Variants in KIAA1958 observed in about 807,000 individuals in gnomAD.
KIAA1958 encodes the protein KIAA1958.
In KIAA1958, 14 loss-of-function variants were observed where a neutral mutation model predicts 47.2. The observed-to-expected ratio is 0.30, with a 90% CI of 0.20 to 0.46. The LOEUF (loss-of-function observed/expected upper bound fraction) is 0.46, where lower values mean the gene tolerates loss of function less well. Among genes scored for constraint, KIAA1958 ranks in the 20% least tolerant of loss-of-function variants. KIAA1958 has a pLI of 1.00. For synonymous variants in KIAA1958, 354 were observed against 353.3 expected, an observed-to-expected ratio of 1.00 and a Z score of -0.02; for missense variants, 803 against 909.2, an observed-to-expected ratio of 0.88 and a Z score of 1.50.
At chr9:112,658,889 G>A (rs1837203825) in intron 3 of KIAA1958, among the ~76,000 whole-genome samples, 2 of 151,524 alleles carry the variant, frequency 1.3e-5, no homozygotes, top group Admixed American at 6.6e-5. Context: ...GCGTGGTGGC[G>A]GGAGCCTATA....
At chr9:112,597,588 T>C (rs564428587) in intron 2 of KIAA1958, among the ~76,000 whole-genome samples, 35 of 152,322 alleles carry the variant, frequency 2.3e-4, no homozygotes, top group African/African-American at 8.4e-4. Flanking sequence ...AAAAACTTCA[T>C]TGCCAAAACT....
intron 1 of KIAA1958, among the ~76,000 whole-genome samples, chr9:112,546,755 TCTTA>T (rs1835041594): frequency 6.6e-6 from 1 of 152,084 alleles, no homozygotes; most frequent in Non-Finnish European, 1.5e-5. Context: ...CTATGTCCTC[TCTTA>T]CCTGGAATAC....
At chr9:112,606,303 TAA>T (rs1307329439) in intron 2 of KIAA1958, among the ~76,000 whole-genome samples, 1 of 152,168 alleles carries the variant, frequency 6.6e-6, no homozygotes, top group Admixed American at 6.5e-5. Flanking sequence ...ACGGGAGCCA[TAA>T]GAAACATTCT....
chr9:112,664,219 T>G lies in KIAA1958; in HGVS notation c.*4150T>G, dbSNP rs185488397. ...GATGCCTTCTTTAGGAATAAGACTT[T>G]CCTTTAATTTTCAAGTTCCACAACT... On this transcript the variant is annotated 3_prime_UTR_variant, in exon 4 of 4. Coordinates refer to ENST00000337530, the MANE Select transcript of KIAA1958 (RefSeq NM_133465.4). 4.9e-4 allele frequency: 75 copies of G among 152,372 alleles called. No homozygotes were observed. Among genetic ancestry groups the G allele is most frequent in the African/African-American group, 1.8e-3 (74 of 41,592 alleles). The allele number at this position is 152,372 out of a possible 1,614,324, so 9.4% of individuals were successfully genotyped here. A position where few individuals can be genotyped will look rare whatever the true frequency, so the allele number is the denominator to read the frequency against.
intron 3 of KIAA1958, among the ~76,000 whole-genome samples, chr9:112,651,647 C>G (rs1304626642): frequency 2.0e-5 from 3 of 152,106 alleles, no homozygotes; most frequent in Admixed American, 1.3e-4. Context: ...CCTCCTGCCT[C>G]GGCTTCCCAA....
At chr9:112,595,631 T>C (rs12338870) in intron 2 of KIAA1958, among the ~76,000 whole-genome samples, 69,560 of 146,912 alleles carry the variant, frequency 0.47, 16,571 homozygotes, top group South Asian at 0.56. Context: ...TGAGCTGACA[T>C]CATGCCACTG....
intron 2 of KIAA1958, among the ~76,000 whole-genome samples, chr9:112,613,004 G>A (rs1836352396): frequency 6.6e-6 from 1 of 152,158 alleles, no homozygotes; most frequent in African/African-American, 2.4e-5. Flanking sequence ...AAGAAGCAGA[G>A]TATAGAATAG....
rs1837370513 is a variant in KIAA1958 at position 112,667,801 on chromosome 9, A to G, written c.*7732A>G. ...TGAGCTATGTAATAGTCTTACAAAGATAATAAGTTGTACAGCAACCTACGA... is the reference window on the plus strand; with the variant it reads ...TGAGCTATGTAATAGTCTTACAAAGGTAATAAGTTGTACAGCAACCTACGA... On this transcript the variant is annotated 3_prime_UTR_variant, in exon 4 of 4. Transcript: ENST00000337530. 1 of 152,226 alleles carries G rather than the reference A, an allele frequency of 6.6e-6. No individual in the cohort carries two copies. The highest frequency in any genetic ancestry group is 2.1e-4 in the South Asian group (1 of 4,822). The allele number at this position is 152,226 out of a possible 1,614,324, so 9.4% of individuals were successfully genotyped here.
chr9:112,500,732 G>C (rs1834120835), intron 1 of KIAA1958, among the ~76,000 whole-genome samples: 1 of 152,044 alleles, frequency 6.6e-6, no homozygotes, highest in Non-Finnish European at 1.5e-5. Flanking sequence ...TATTCTTATT[G>C]AATATAAAAG....
In KIAA1958 at chr9:112,645,801, AG is replaced by A. The variant is rs1192393577; in HGVS notation, c.1324del (p.Asp442ThrfsTer11). 1 of 1,613,024 alleles carries A rather than the reference AG, an allele frequency of 6.2e-7. No individual in the cohort carries two copies. The highest frequency in any genetic ancestry group is 8.5e-7 in the Non-Finnish European group (1 of 1,179,718). ...RYWCMTNGLK[D>X]HTDITKIPAV... is the part of the protein sequence containing the mutation. ...ATTGGTGCATGACCAACGGGCTCAA[AG>A]ACCACACAGACATCACCAAGGTAAG... On this transcript the variant is annotated frameshift_variant, in exon 3 of 4. Coordinates refer to ENST00000337530, the MANE Select transcript of KIAA1958 (RefSeq NM_133465.4). LOFTEE classifies it high-confidence loss of function.
At chr9:112,513,154 G>GCA (rs1834350139) in intron 1 of KIAA1958, among the ~76,000 whole-genome samples, 1 of 147,698 alleles carries the variant, frequency 6.8e-6, no homozygotes, top group Non-Finnish European at 1.5e-5. Context: ...ACAGGCACAC[G>GCA]CCACCATGCC....
intron 1 of KIAA1958, among the ~76,000 whole-genome samples, chr9:112,509,068 A>C (rs1443192919): frequency 6.8e-6 from 1 of 147,902 alleles, no homozygotes; most frequent in Non-Finnish European, 1.5e-5. Flanking sequence ...TAAAAAGAGC[A>C]ATGTAGATAC....
At chr9:112,591,101 C>T (rs1205284235) in intron 2 of KIAA1958, among the ~76,000 whole-genome samples, 2 of 151,854 alleles carry the variant, frequency 1.3e-5, no homozygotes, top group Admixed American at 6.6e-5. Flanking sequence ...TTTATTTTTT[C>T]GAGACAGAGT....
chr9:112,557,161 T>C (rs1835256900), intron 1 of KIAA1958, among the ~76,000 whole-genome samples: 1 of 104,492 alleles, frequency 9.6e-6, no homozygotes, highest in East Asian at 2.6e-4. Context: ...GGTCTCACTC[T>C]ATTACCTAGG....
At chr9:112,569,226 G>A (rs75097724) in intron 1 of KIAA1958, among the ~76,000 whole-genome samples, 4 of 151,924 alleles carry the variant, frequency 2.6e-5, no homozygotes, top group Non-Finnish European at 4.4e-5. Flanking sequence ...AAATTTCCCC[G>A]TTTTCTGTGC....
chr9:112,568,189 A>T (rs1835461491), intron 1 of KIAA1958, among the ~76,000 whole-genome samples: 1 of 152,188 alleles, frequency 6.6e-6, no homozygotes, highest in Non-Finnish European at 1.5e-5. Flanking sequence ...TATAACAGTT[A>T]TGAGCAGATG....
intron 2 of KIAA1958, among the ~76,000 whole-genome samples, chr9:112,590,592 T>C (rs1240020226): frequency 1.3e-5 from 2 of 152,112 alleles, no homozygotes; most frequent in African/African-American, 2.4e-5. Context: ...CCTCAGGTGA[T>C]CCACCCGCTT....
chr9:112,596,704 T>C (rs1012105341), intron 2 of KIAA1958, among the ~76,000 whole-genome samples: 3 of 152,208 alleles, frequency 2.0e-5, no homozygotes, highest in African/African-American at 7.2e-5. Context: ...ATTTAATGAA[T>C]ATTAATAGCC....
chr9:112,550,007 C>T (rs1290143134), intron 1 of KIAA1958, among the ~76,000 whole-genome samples: 1 of 152,174 alleles, frequency 6.6e-6, no homozygotes, highest in Admixed American at 6.5e-5. Flanking sequence ...CAAAGATCTA[C>T]TAGAGTTGAG....
Sources: allele counts gnomAD v4.1 joint callset (sites outside exome capture counted in the v4.1 genomes callset), GRCh38; gene constraint gnomAD v4.1.1; transcripts MANE v1.5; gene names NCBI Gene and HGNC (gene_info 2026-07-23, HGNC 2026-07-21).